The following TK2 variants were observed in gnomAD, a reference collection of about 807,000 sequenced individuals.
TK2 encodes the protein thymidine kinase 2.
In TK2, 35 loss-of-function variants were observed where a neutral mutation model predicts 41.9. The ratio of observed to expected loss-of-function variants is 0.84; its 90% confidence interval spans 0.64 to 1.11. TK2 has a LOEUF of 1.11. Ranked by LOEUF, TK2 falls within the 50% of genes least tolerant of loss-of-function variation. The pLI is 0.00. For synonymous variants in TK2, 128 were observed against 129.1 expected (o/e 0.99, Z 0.06); for missense variants, 320 against 351.1 (o/e 0.91, Z 0.71).
Position 66,517,805 on chromosome 16 carries a change from C to A in TK2, c.522G>T (p.Val174=), listed in dbSNP as rs757132170. Reference sequence around the variant, plus strand: ...GCATCTCACCTATCAAATCAACAGACACGTCCATGTTCCTCAAGATCCAGT... The same window carrying A: ...GCATCTCACCTATCAAATCAACAGAAACGTCCATGTTCCTCAAGATCCAGT... ...WFDWILRNMD[V]SVDLIVYLRT... is the part of the protein sequence containing the mutation. The change falls in exon 7 of 10, where the codon GTG becomes GTT. Residue 174 remains valine, a synonymous_variant. Coordinates refer to ENST00000544898, the MANE Select transcript of TK2 (RefSeq NM_004614.5). The surrounding 1 kb of genome is among the most constrained non-coding windows in gnomAD (Gnocchi z 4.3). 1 of 1,613,998 alleles carries A rather than the reference C, an allele frequency of 6.2e-7. No homozygotes were observed. The highest frequency in any genetic ancestry group is 8.5e-7 in the Non-Finnish European group (1 of 1,180,014).
At chr16:66,529,196 G>A in intron 5 of TK2, 129 bp from the exon 6 acceptor site, 1 of 886,708 alleles carries the variant, frequency 1.1e-6, no homozygotes, top group Admixed American at 1.9e-5. Flanking sequence ...GGCAGAGAGA[G>A]TGAAGCAGGA....
chr16:66,523,770 A>T lies in TK2; in HGVS notation c.449+5224T>A, dbSNP rs1441765495. 2.0e-5 allele frequency among the ~76,000 whole-genome samples: 3 copies of T among 152,318 alleles called. No individual in the cohort carries two copies. The South Asian group carries it at 6.2e-4, about 32-fold the overall frequency. ...CTTGAATCTGGGAAGCAGAGGTTGC[A>T]GTGAGCTGAGATCGCCTGAGTGATC... On this transcript the variant is annotated intron_variant, in intron 6 of 9. Transcript: ENST00000544898.
At chr16:66,531,975 A>T (rs1030153686) in intron 4 of TK2, among the ~76,000 whole-genome samples, 4 of 152,074 alleles carry the variant, frequency 2.6e-5, no homozygotes, top group African/African-American at 9.7e-5. Context: ...GGAGGAAGGG[A>T]GGGGGCAAAG....
chr16:66,549,625 C>A (rs1401664591), intron 1 of TK2: 2 of 1,168,494 alleles, frequency 1.7e-6, no homozygotes, highest in Admixed American at 4.6e-5. Context: ...CCCCATCGCC[C>A]CCAAGGTCGA....
Position 66,514,602 on chromosome 16 carries a change from C to T in TK2, c.619-791G>A, listed in dbSNP as rs1021548397. Among the ~76,000 whole-genome samples the T allele has an allele frequency of 2.0e-5, 3 of 152,140 alleles. No individual in the cohort carries two copies. The highest frequency in any genetic ancestry group is 4.4e-5 in the Non-Finnish European group (3 of 68,030). ...CCCATCGTCTAGGATGTGAGGACCCCTCTGCCCGGCCGCTCAGTCTGGGAA... is the reference window on the plus strand; with the variant it reads ...CCCATCGTCTAGGATGTGAGGACCCTTCTGCCCGGCCGCTCAGTCTGGGAA... On this transcript the variant is annotated intron_variant, in intron 8 of 9. Transcript: ENST00000544898. The surrounding 1 kb of genome is among the most constrained non-coding windows in gnomAD (Gnocchi z 4.2).
At chr16:66,513,163 C>A (rs774625654) in intron 9 of TK2, among the ~76,000 whole-genome samples, 1 of 152,132 alleles carries the variant, frequency 6.6e-6, no homozygotes, top group Non-Finnish European at 1.5e-5. Context: ...GAAATGCTGA[C>A]GGGACAGACA....
In TK2 at chr16:66,508,446, T is replaced by C. The variant is rs528337629; in HGVS notation, c.*3522A>G. On this transcript the variant is annotated 3_prime_UTR_variant, in exon 10 of 10. Coordinates refer to ENST00000544898, the MANE Select transcript of TK2 (RefSeq NM_004614.5). ...ATTATTGCTATTCCATTCTGAACAATGGATGACTGACATTTGCAAGAGCTT... is the reference window on the plus strand; with the variant it reads ...ATTATTGCTATTCCATTCTGAACAACGGATGACTGACATTTGCAAGAGCTT... The C allele has an allele frequency of 6.6e-6, 1 of 152,372 alleles. No individual in the cohort carries two copies. Among genetic ancestry groups the C allele is most frequent in the East Asian group, 1.9e-4 (1 of 5,190 alleles). 9.4% of individuals were successfully genotyped at this position (152,372 alleles called of 1,614,324 possible). A position where few individuals can be genotyped will look rare whatever the true frequency, so the allele number is the denominator to read the frequency against.
At chr16:66,533,290 C>T (rs548893163) in intron 4 of TK2, among the ~76,000 whole-genome samples, 2 of 129,764 alleles carry the variant, frequency 1.5e-5, no homozygotes, top group South Asian at 2.5e-4. Context: ...CCAGGCAGAT[C>T]ATGCCACTGT....
chr16:66,523,770 A>AG (rs1210255252), intron 6 of TK2, among the ~76,000 whole-genome samples: 1 of 152,200 alleles, frequency 6.6e-6, no homozygotes, highest in East Asian at 1.9e-4. Context: ...CAGAGGTTGC[A>AG]GTGAGCTGAG....
At chr16:66,549,349 A>G (rs1965709484) in intron 1 of TK2, 1 of 1,147,936 alleles carries the variant, frequency 8.7e-7, no homozygotes, top group East Asian at 5.6e-5. Flanking sequence ...TGCACGGGGA[A>G]GAGTGGGCGG....
chr16:66,541,619 G>C (rs7189418), intron 3 of TK2, among the ~76,000 whole-genome samples: 1 of 152,032 alleles, frequency 6.6e-6, no homozygotes, highest in African/African-American at 2.4e-5. Flanking sequence ...GTCTCGCCAT[G>C]TGGCCCAGGC....
chr16:66,531,444 C>T lies in TK2; in HGVS notation c.311G>A (p.Arg104His), dbSNP rs770318536. ...PLGLMYHDAS[R>H]WGLTLQTYVQ... ...ATAAGTCTGTAGCGTAAGACCCCAG[C>T]GAGAGGCATCGTGGTACATCAGGCC... Residue 104 changes from arginine (R) to histidine (H), a missense_variant, in exon 5 of 10, where the codon CGC (arginine) becomes CAC (histidine). By Grantham distance (29) the Arg-to-His change is conservative. Transcript: ENST00000544898. The T allele has an allele frequency of 9.3e-6, 15 of 1,614,150 alleles. No individual in the cohort carries two copies. The highest frequency in any genetic ancestry group is 2.2e-5 in the East Asian group (1 of 44,890).
chr16:66,514,052 C>T lies in TK2; in HGVS notation c.619-241G>A, dbSNP rs1046332546. ...ACCCTGCTCTGCTCCACTGGGGGTT[C>T]GTGGGCACAAACACTGGCCCTTCCC... is the stretch of plus-strand genomic sequence containing the variant. On this transcript the variant is annotated intron_variant, in intron 8 of 9. Transcript: ENST00000544898. The surrounding 1 kb of genome is among the most constrained non-coding windows in gnomAD (Gnocchi z 4.2). Among the ~76,000 whole-genome samples, 1 of 152,158 alleles carries T rather than the reference C, an allele frequency of 6.6e-6. No homozygotes were observed. Among genetic ancestry groups the T allele is most frequent in the Non-Finnish European group, 1.5e-5 (1 of 68,026 alleles).
intron 5 of TK2, among the ~76,000 whole-genome samples, chr16:66,529,782 A>G (rs905602695): frequency 6.6e-6 from 1 of 152,152 alleles, no homozygotes; most frequent in Non-Finnish European, 1.5e-5. Context: ...ATTCAAAGCC[A>G]TAACCCAGGC....
In TK2 at chr16:66,532,775, TA is replaced by T. The variant is rs1965156287; in HGVS notation, c.286-1307del. On this transcript the variant is annotated intron_variant, in intron 4 of 9. Coordinates refer to ENST00000544898, the MANE Select transcript of TK2 (RefSeq NM_004614.5). ...TTCAACACTCATGGATCAGAAGAACTAATACTATTAAAATGACAATACTACC... is the reference window on the plus strand; with the variant it reads ...TTCAACACTCATGGATCAGAAGAACTATACTATTAAAATGACAATACTACC... 2.0e-5 allele frequency among the ~76,000 whole-genome samples: 3 copies of T among 151,784 alleles called. No homozygotes were observed. The South Asian group carries it at 6.2e-4, about 31-fold the overall frequency.
At chr16:66,526,487 T>C (rs1964935076) in intron 6 of TK2, among the ~76,000 whole-genome samples, 2 of 152,202 alleles carry the variant, frequency 1.3e-5, no homozygotes, top group African/African-American at 4.8e-5. Context: ...ATCAGGCTCA[T>C]GCCTGTAATC....
At position 66,541,861 on chromosome 16, in the gene TK2, C is replaced by T. The variant is rs375497454; in HGVS notation, c.231+18G>A. On this transcript the variant is annotated intron_variant, in intron 3 of 9. Transcript: ENST00000544898. ...CAAGCTTTCTCCGCTTCCTTCAAAC[C>T]TAGCATAGAGGCTGTACCTCGACGT... 7.2e-5 allele frequency: 116 copies of T among 1,613,872 alleles called. No individual in the cohort carries two copies. Among genetic ancestry groups the T allele is most frequent in the Non-Finnish European group, 9.2e-5 (109 of 1,179,860 alleles).
chr16:66,548,372 G>C (rs1965673227), intron 2 of TK2, among the ~76,000 whole-genome samples: 1 of 152,122 alleles, frequency 6.6e-6, no homozygotes, highest in Admixed American at 6.5e-5. Context: ...GTTCTTTTAA[G>C]GAATTGAGCC....
intron 1 of TK2, chr16:66,549,377 C>T: frequency 2.7e-6 from 3 of 1,131,266 alleles, no homozygotes; most frequent in Non-Finnish European, 3.3e-6. Flanking sequence ...GGTTTTGGGC[C>T]TGGGACCCAG....
Sources: allele counts gnomAD v4.1 joint callset (sites outside exome capture counted in the v4.1 genomes callset), GRCh38; gene constraint gnomAD v4.1.1; non-coding constraint Gnocchi (gnomAD v3.1); transcripts MANE v1.5; gene names NCBI Gene and HGNC (gene_info 2026-07-23, HGNC 2026-07-21).